The following NRCAM variants were observed in gnomAD, a reference collection of about 807,000 sequenced individuals.
NRCAM encodes NgCAM-related cell adhesion molecule.
Under a neutral mutation model 156.5 loss-of-function variants are expected in NRCAM, and 83 were observed. The ratio of observed to expected loss-of-function variants is 0.53; its 90% CI spans 0.44 to 0.64. The LOEUF is 0.64. NRCAM is among the 30% of genes least tolerant of loss of function. NRCAM has a pLI of 0.00. For synonymous variants in NRCAM, 538 were observed against 563.9 expected (o/e 0.95, Z 0.65); for missense variants, 1,417 against 1,597.3 (o/e 0.89, Z 1.92).
chr7:108,299,114 A>AAAAAAAAAAAGAAAGAAAGAAAGAAAG, intron 3 of NRCAM, among the ~76,000 whole-genome samples: 1 of 25,528 alleles, frequency 3.9e-5, no homozygotes, highest in African/African-American at 1.1e-4. Context: ...TCAAAAAAAA[A>AAAAAAAAAAAGAAAGAAAGAAAGAAAG]AAAGAAAGAA....
At chr7:108,200,296 C>T (rs188398682) in intron 13 of NRCAM, among the ~76,000 whole-genome samples, 1 of 152,254 alleles carries the variant, frequency 6.6e-6, no homozygotes, top group East Asian at 1.9e-4. Flanking sequence ...TATATAGATT[C>T]GTTGATAAAA....
chr7:108,177,675 A>ATATATATATATG (rs2061379309), intron 26 of NRCAM, among the ~76,000 whole-genome samples: 1 of 18,378 alleles, frequency 5.4e-5, no homozygotes, highest in African/African-American at 9.1e-5. Flanking sequence ...ATACGTGTAT[A>ATATATATATATG]TATATACGTG....
Position 108,206,251 on chromosome 7 carries a change from C to A in NRCAM, c.1207+1277G>T, listed in dbSNP as rs183732222. ...TGATGGTAAGAAACAGAGACTTGTGCCACTTTAAATCTGCCAGCAGGTTTT... is the reference window on the plus strand; with the variant it reads ...TGATGGTAAGAAACAGAGACTTGTGACACTTTAAATCTGCCAGCAGGTTTT... On this transcript the variant is annotated intron_variant, in intron 13 of 32. Coordinates refer to ENST00000379028, the MANE Select transcript of NRCAM (RefSeq NM_001037132.4). Among the ~76,000 whole-genome samples, 199 of 152,322 alleles carry A rather than the reference C, an allele frequency of 1.3e-3. 2 individuals carry two copies. Among genetic ancestry groups the A allele is most frequent in the Non-Finnish European group, 3.2e-4 (22 of 68,034 alleles).
At chr7:108,173,180 T>A (rs2152112840) in intron 28 of NRCAM, among the ~76,000 whole-genome samples, 1 of 152,070 alleles carries the variant, frequency 6.6e-6, no homozygotes, top group Non-Finnish European at 1.5e-5. Flanking sequence ...GAGATGGGGT[T>A]TCATCATGCT....
chr7:108,299,103 C>CAGAAAGAAAGAAAGAA (rs1563162587), intron 3 of NRCAM, among the ~76,000 whole-genome samples: 1 of 6,058 alleles, frequency 1.7e-4, no homozygotes, highest in African/African-American at 3.5e-4. Flanking sequence ...AAGACTCCAT[C>CAGAAAGAAAGAAAGAA]TCAAAAAAAA....
Position 108,426,805 on chromosome 7 carries a change from G to C in NRCAM, c.-331-27212C>G, listed in dbSNP as rs945479315. ...AAAGCCATAAATATTGAGGGAAGTG[G>C]GTCGGCAACAATGTGTAAAACACTG... On this transcript the variant is annotated intron_variant, in intron 1 of 32. Coordinates refer to ENST00000379028, the MANE Select transcript of NRCAM (RefSeq NM_001037132.4). Among the ~76,000 whole-genome samples the C allele has an allele frequency of 4.6e-5, 7 of 152,244 alleles. No individual in the cohort carries two copies. In the South Asian group the frequency reaches 1.5e-3, roughly 32 times the overall value.
intron 1 of NRCAM, among the ~76,000 whole-genome samples, chr7:108,448,391 G>C (rs1393624721): frequency 2.6e-5 from 4 of 152,138 alleles, no homozygotes; most frequent in Non-Finnish European, 5.9e-5. Flanking sequence ...TACAAAAATG[G>C]CTTTTAGCCA....
intron 2 of NRCAM, among the ~76,000 whole-genome samples, chr7:108,369,677 C>T (rs948376745): frequency 2.0e-5 from 3 of 152,092 alleles, no homozygotes; most frequent in Admixed American, 2.0e-4. Flanking sequence ...AGAGCAAGAA[C>T]ATTATTGTGC....
chr7:108,242,533 G>C (rs1017681411), intron 3 of NRCAM, among the ~76,000 whole-genome samples: 1 of 152,110 alleles, frequency 6.6e-6, no homozygotes, highest in African/African-American at 2.4e-5. Context: ...TAGGTCTCTC[G>C]TGAGTTTTTG....
chr7:108,161,389 GTATTATTT>G (rs2048867135), intron 30 of NRCAM, among the ~76,000 whole-genome samples: 1 of 152,146 alleles, frequency 6.6e-6, no homozygotes. Context: ...AGCATTTCGG[GTATTATTT>G]TAAAGTATCA....
At chr7:108,256,730 A>T (rs1177029265) in intron 3 of NRCAM, among the ~76,000 whole-genome samples, 1 of 152,210 alleles carries the variant, frequency 6.6e-6, no homozygotes, top group Non-Finnish European at 1.5e-5. Context: ...GAAATGCAAA[A>T]GTATAGCCAG....
chr7:108,176,815 T>C (rs2153223218), intron 26 of NRCAM: 2 of 431,134 alleles, frequency 4.6e-6, no homozygotes, highest in Non-Finnish European at 8.2e-6. Context: ...TATCATATCA[T>C]ATATCACAAG....
intron 2 of NRCAM, among the ~76,000 whole-genome samples, chr7:108,378,365 A>G (rs1050014142): frequency 1.3e-5 from 2 of 152,128 alleles, no homozygotes; most frequent in Non-Finnish European, 2.9e-5. Context: ...CACAGGTAAA[A>G]AGATTAATAG....
At chr7:108,260,919 C>T (rs543214788) in intron 3 of NRCAM, among the ~76,000 whole-genome samples, 2 of 152,018 alleles carry the variant, frequency 1.3e-5, no homozygotes, top group Non-Finnish European at 2.9e-5. Flanking sequence ...CAATTCCTGG[C>T]AAGGTTCTAG....
chr7:108,223,758 T>C lies in NRCAM; in HGVS notation c.857A>G (p.Asn286Ser), dbSNP rs1364878257. 1.2e-6 allele frequency: 2 copies of C among 1,606,914 alleles called. No individual in the cohort carries two copies. Among genetic ancestry groups the C allele is most frequent in the East Asian group, 4.5e-5 (2 of 44,752 alleles). Residue 286 changes from asparagine to serine, a missense_variant, in exon 11 of 33, where the codon AAT (asparagine) becomes AGT (serine). Coordinates refer to ENST00000379028, the MANE Select transcript of NRCAM (RefSeq NM_001037132.4). The part of the protein sequence containing the change: ...NASNKEELRG[N>S]VLSLECIAEG... ...TGCAATGCACTCCAGTGAAAGCACA[T>C]TTCCTCTTAATTCCTCTTTGTTACT...
chr7:108,173,963 A>C (rs2059505296), intron 28 of NRCAM, among the ~76,000 whole-genome samples: 1 of 152,198 alleles, frequency 6.6e-6, no homozygotes, highest in Non-Finnish European at 1.5e-5. Flanking sequence ...GCTGAAGCAC[A>C]ATTTCTCTGC....
At chr7:108,367,828 G>A (rs367741194) in intron 2 of NRCAM, among the ~76,000 whole-genome samples, 1 of 151,980 alleles carries the variant, frequency 6.6e-6, no homozygotes, top group East Asian at 1.9e-4. Context: ...TGGAAAATGT[G>A]GTAATCCACT....
In NRCAM at chr7:108,177,624, AATAT is replaced by A. The variant is rs59391934; in HGVS notation, c.2974+362_2974+365del. Among the ~76,000 whole-genome samples the A allele has an allele frequency of 8.7e-3, 699 of 80,310 alleles. 5 individuals carry two copies. The highest frequency in any genetic ancestry group is 0.013 in the African/African-American group (360 of 28,590). 52.7% of individuals were successfully genotyped at this position (80,310 alleles called of 152,430 possible). The stretch of plus-strand genomic sequence containing the variant: ...GGTGACAGAGCGAGACTCCATCTCA[AATAT>A]ATATATATATATATATATATATATA... On this transcript the variant is annotated intron_variant, in intron 26 of 32. Transcript: ENST00000379028.
At chr7:108,191,635 A>C in intron 18 of NRCAM, 94 bp downstream of exon 18, 1 of 1,409,168 alleles carries the variant, frequency 7.1e-7, no homozygotes, top group Non-Finnish European at 9.4e-7. Context: ...GCATATTAAC[A>C]AGCAAATATT....
Sources: gnomAD v4.1 joint callset for allele counts (sites outside exome capture counted in the v4.1 genomes callset) on GRCh38, gnomAD v4.1.1 for gene constraint, MANE v1.5 for transcripts, NCBI Gene and HGNC (gene_info 2026-07-23, HGNC 2026-07-21) for gene names.